Variants in IFNAR2 observed in about 807,000 individuals in gnomAD.
IFNAR2 encodes the protein interferon alpha and beta receptor subunit 2.
In IFNAR2, 30 loss-of-function variants were observed where a neutral mutation model predicts 49.4. That is an observed-to-expected ratio of 0.61 (90% confidence interval 0.45 to 0.82). The LOEUF is 0.82. Ranked by LOEUF, IFNAR2 falls within the 40% of genes least tolerant of loss-of-function variation. IFNAR2 has a pLI of 0.00. For synonymous variants in IFNAR2, 224 were observed against 234.5 expected (o/e 0.96, Z 0.41); for missense variants, 600 against 622.7 (o/e 0.96, Z 0.39).
chr21:33,262,398 C>T (rs1988659820), intron 8 of IFNAR2, among the ~76,000 whole-genome samples: 1 of 151,190 alleles, frequency 6.6e-6, no homozygotes, highest in South Asian at 2.1e-4. Context: ...GTAAGCATAC[C>T]TCATAGAGCA....
At chr21:33,247,962 C>T (rs1321033960) in intron 5 of IFNAR2, among the ~76,000 whole-genome samples, 1 of 152,132 alleles carries the variant, frequency 6.6e-6, no homozygotes, top group Non-Finnish European at 1.5e-5. Flanking sequence ...TCTGTGTGTA[C>T]ACACAGAAAA....
Position 33,241,926 on chromosome 21 carries a change from C to G in IFNAR2, c.4C>G (p.Leu2Val). ...GAAGACTCTAAAAATAGCAAAGATG[C>G]TTTTGAGCCAGAATGCCTTCATCTT... The part of the protein sequence containing the change: M[L>V]LSQNAFIFRS... Residue 2 changes from leucine (L) to valine (V), a missense_variant, in exon 2 of 9, where the codon CTT (leucine) becomes GTT (valine). Transcript: ENST00000342136. The G allele has an allele frequency of 6.2e-7, 1 of 1,612,178 alleles. No homozygotes were observed. Among genetic ancestry groups the G allele is most frequent in the Non-Finnish European group, 8.5e-7 (1 of 1,178,664 alleles).
chr21:33,234,359 CT>C (rs980880334), intron 1 of IFNAR2, among the ~76,000 whole-genome samples: 2 of 152,062 alleles, frequency 1.3e-5, no homozygotes, highest in Non-Finnish European at 1.5e-5. Flanking sequence ...ATTGTTGATG[CT>C]GGATGGTAGG....
chr21:33,262,442 C>G, intron 8 of IFNAR2: 1 of 596,326 alleles, frequency 1.7e-6, no homozygotes, highest in Non-Finnish European at 3.0e-6. Context: ...ATATAAAGCA[C>G]CAAGAGTCAT....
intron 1 of IFNAR2, among the ~76,000 whole-genome samples, chr21:33,237,078 G>GATGTGTGTGTGT (rs3223272): frequency 0.017 from 2,525 of 147,674 alleles, 70 homozygotes; most frequent in African/African-American, 0.06. Flanking sequence ...GGGAGAATGG[G>GATGTGTGTGTGT]GTGTGTGTGT....
At chr21:33,251,611 A>G (rs1987841683) in intron 6 of IFNAR2, 3 of 985,432 alleles carry the variant, frequency 3.0e-6, no homozygotes, top group Non-Finnish European at 3.6e-6. Context: ...ACAGAAAAAC[A>G]TCATTACTGA....
At chr21:33,234,419 A>G (rs914140151) in intron 1 of IFNAR2, among the ~76,000 whole-genome samples, 2 of 152,204 alleles carry the variant, frequency 1.3e-5, no homozygotes, top group African/African-American at 2.4e-5. Flanking sequence ...ATATTTTTCT[A>G]ATTTCCAGAA....
rs751495214 is a variant in IFNAR2 at position 33,263,518 on chromosome 21, G to A, written c.*18G>A. ...TGAGATGACTCCAAAACTATTGAAT[G>A]AACTTGGACAGACAAGCACCTACAG... On this transcript the variant is annotated 3_prime_UTR_variant, in exon 9 of 9. Transcript: ENST00000342136. The A allele has an allele frequency of 3.2e-6, 5 of 1,584,436 alleles. No homozygotes were observed. The highest frequency in any genetic ancestry group is 1.7e-4 in the Middle Eastern group (1 of 5,920).
intron 8 of IFNAR2, among the ~76,000 whole-genome samples, chr21:33,261,558 CAA>C (rs897614428): frequency 3.3e-5 from 5 of 151,976 alleles, no homozygotes; most frequent in African/African-American, 4.8e-5. Flanking sequence ...AACATATACA[CAA>C]AGTGGATTTA....
intron 4 of IFNAR2, among the ~76,000 whole-genome samples, chr21:33,246,367 G>T (rs923147329): frequency 1.3e-5 from 2 of 152,180 alleles, no homozygotes; most frequent in Admixed American, 6.5e-5. Flanking sequence ...ACTGCACCCG[G>T]CTCCTCCGGC....
At chr21:33,246,137 C>T (rs1301245533) in intron 4 of IFNAR2, among the ~76,000 whole-genome samples, 2 of 150,972 alleles carry the variant, frequency 1.3e-5, no homozygotes, top group Non-Finnish European at 2.9e-5. Context: ...CTGGTACGAT[C>T]TTGGCTCACT....
intron 1 of IFNAR2, among the ~76,000 whole-genome samples, chr21:33,239,723 G>C (rs939049724): frequency 5.4e-5 from 8 of 149,498 alleles, no homozygotes; most frequent in Admixed American, 1.3e-4. Context: ...CCTCAATGTT[G>C]TGATCTGCAG....
At chr21:33,262,477 T>C in intron 8 of IFNAR2, 3 of 650,606 alleles carry the variant, frequency 4.6e-6, no homozygotes, top group South Asian at 3.5e-5. Context: ...AAGCATGGTG[T>C]AACTGTTAGC....
rs1286114425 is a variant in IFNAR2 at position 33,264,824 on chromosome 21, A to C, written c.*1324A>C. The C allele has an allele frequency of 6.6e-6, 1 of 152,228 alleles. No individual in the cohort carries two copies. The highest frequency in any genetic ancestry group is 6.5e-5 in the Admixed American group (1 of 15,282). 9.4% of individuals were successfully genotyped at this position (152,228 alleles called of 1,614,324 possible). On this transcript the variant is annotated 3_prime_UTR_variant, in exon 9 of 9. Transcript: ENST00000342136. ...GGCAACATGGCAAATCTGTCTCTAC[A>C]AAACAAAATTAGAAAAATTAACTGG...
At chr21:33,241,181 C>T (rs1004580477) in intron 1 of IFNAR2, among the ~76,000 whole-genome samples, 1 of 152,132 alleles carries the variant, frequency 6.6e-6, no homozygotes, top group African/African-American at 2.4e-5. Flanking sequence ...CACTTGTACC[C>T]CTTAAATTTA....
At chr21:33,251,713 A>G in intron 6 of IFNAR2, 1 of 984,964 alleles carries the variant, frequency 1.0e-6, no homozygotes. Flanking sequence ...AAAAGTTATT[A>G]TTCATGAAAG....
At chr21:33,255,791 G>A (rs368481400) in intron 7 of IFNAR2, among the ~76,000 whole-genome samples, 14 of 152,134 alleles carry the variant, frequency 9.2e-5, no homozygotes, top group South Asian at 6.2e-4. Flanking sequence ...AGTTCCAACC[G>A]TCTGATCATG....
In IFNAR2 at chr21:33,230,516, A is replaced by C. The variant is rs1487190181; in HGVS notation, c.-84+300A>C. ...ACCCCTCCGCGTCCCACCCCACCCC[A>C]CCAAGGATGCCCAGGATACCGGGCA... On this transcript the variant is annotated intron_variant, in intron 1 of 8. Coordinates refer to ENST00000342136, the MANE Select transcript of IFNAR2 (RefSeq NM_001289125.3). The surrounding 1 kb of genome is among the most constrained non-coding windows in gnomAD (Gnocchi z 5.5). The C allele has an allele frequency of 1.1e-5, 5 of 469,410 alleles. No homozygotes were observed. The highest frequency in any genetic ancestry group is 7.8e-5 in the South Asian group (5 of 64,368). The allele number at this position is 469,410 out of a possible 1,614,324, so 29.1% of individuals were successfully genotyped here.
chr21:33,263,027 T>A lies in IFNAR2; in HGVS notation c.1075T>A (p.Leu359Met). The change falls in exon 9 of 9, where the codon TTG (leucine) becomes ATG (methionine). Residue 359 changes from leucine to methionine, a missense_variant. Physicochemically the swap from Leu to Met is conservative, Grantham distance 15 (BLOSUM62 2). Transcript: ENST00000342136. The stretch of plus-strand genomic sequence containing the variant: ...CTCTGCCACCTCTACAGAATCCCAG[T>A]TGATAGACCCGGAGTCCGAGGAGGA... ...QASATSTESQ[L>M]IDPESEEEPD... The A allele has an allele frequency of 6.2e-7, 1 of 1,614,078 alleles. No homozygotes were observed. The highest frequency in any genetic ancestry group is 1.1e-5 in the South Asian group (1 of 91,072).
Sources: allele counts gnomAD v4.1 joint callset (sites outside exome capture counted in the v4.1 genomes callset), GRCh38; gene constraint gnomAD v4.1.1; non-coding constraint Gnocchi (gnomAD v3.1); transcripts MANE v1.5; gene names NCBI Gene and HGNC (gene_info 2026-07-23, HGNC 2026-07-21).